CYRIA: variants seen among roughly 807,000 people sequenced by gnomAD.
The protein encoded by CYRIA is CYFIP-related Rac1 interactor A.
Under a neutral mutation model 43.9 loss-of-function variants are expected in CYRIA, and 15 were observed. The observed-to-expected ratio is 0.34, with a 90% CI of 0.23 to 0.53. The LOEUF (loss-of-function observed/expected upper bound fraction) is 0.53. Among genes scored for constraint, CYRIA ranks in the 20% least tolerant of loss-of-function variants. CYRIA has a pLI of 0.94. For synonymous variants in CYRIA, 117 were observed against 136.0 expected, an observed-to-expected ratio of 0.86 and a Z score of 0.97; for missense variants, 236 against 394.2, an observed-to-expected ratio of 0.60 and a Z score of 3.40.
intron 1 of CYRIA, among the ~76,000 whole-genome samples, chr2:16,646,226 T>A (rs1669817116): frequency 6.6e-6 from 1 of 152,222 alleles, no homozygotes; most frequent in African/African-American, 2.4e-5. Context: ...AGAATCAAGA[T>A]GTCTAGAGTT....
intron 11 of CYRIA, among the ~76,000 whole-genome samples, chr2:16,554,644 CAG>C (rs1276274896): frequency 6.6e-6 from 1 of 152,158 alleles, no homozygotes; most frequent in Non-Finnish European, 1.5e-5. Flanking sequence ...CAGAATCACA[CAG>C]AGTGTTTTCA....
At chr2:16,620,810 C>A (rs1381898811) in intron 2 of CYRIA, among the ~76,000 whole-genome samples, 4 of 152,168 alleles carry the variant, frequency 2.6e-5, no homozygotes, top group African/African-American at 9.7e-5. Context: ...TTCCCCGAGG[C>A]ACAGTCCTTG....
intron 1 of CYRIA, among the ~76,000 whole-genome samples, chr2:16,661,690 C>T (rs1670258105): frequency 6.6e-6 from 1 of 152,178 alleles, no homozygotes; most frequent in Non-Finnish European, 1.5e-5. Context: ...CTGTTAAAAT[C>T]TGCCTGCATT....
At chr2:16,614,842 A>G (rs1668726371) in intron 2 of CYRIA, among the ~76,000 whole-genome samples, 1 of 152,190 alleles carries the variant, frequency 6.6e-6, no homozygotes, top group Non-Finnish European at 1.5e-5. Context: ...TGCCTACTGG[A>G]TGCCAAGCTC....
At chr2:16,576,932 A>T (rs1667372637) in intron 3 of CYRIA, among the ~76,000 whole-genome samples, 1 of 152,236 alleles carries the variant, frequency 6.6e-6, no homozygotes, top group Non-Finnish European at 1.5e-5. Flanking sequence ...CACAAACTGC[A>T]TGATTCCACT....
At position 16,612,644 on chromosome 2, in the gene CYRIA, G is replaced by A. The variant is rs530836673; in HGVS notation, c.-11+11220C>T. On this transcript the variant is annotated intron_variant, in intron 2 of 11. Transcript: ENST00000381323. ...TTACTTTCATGATGACAAGCCTGCA[G>A]AACCATCTCTGCTCTGGCCTCTGAA... Among the ~76,000 whole-genome samples, 5 of 152,366 alleles carry A rather than the reference G, an allele frequency of 3.3e-5. No homozygotes were observed. The South Asian group carries it at 1.0e-3, about 32-fold the overall frequency.
chr2:16,606,986 T>C lies in CYRIA; in HGVS notation c.-11+16878A>G, dbSNP rs968043810. 1.2e-4 allele frequency among the ~76,000 whole-genome samples: 18 copies of C among 152,082 alleles called. No individual in the cohort carries two copies. In the South Asian group the frequency reaches 3.7e-3, roughly 32 times the overall value. On this transcript the variant is annotated intron_variant, in intron 2 of 11. Transcript: ENST00000381323. ...ACAAAAAAAAATCCAATAAAAGCCATCACATACAAAAAACCTGAAGAATAT... is the reference window on the plus strand; with the variant it reads ...ACAAAAAAAAATCCAATAAAAGCCACCACATACAAAAAACCTGAAGAATAT...
intron 2 of CYRIA, among the ~76,000 whole-genome samples, chr2:16,608,462 T>C (rs1304365044): frequency 6.6e-6 from 1 of 152,102 alleles, no homozygotes; most frequent in Non-Finnish European, 1.5e-5. Flanking sequence ...ATCGCAAATT[T>C]CAGTTTATAG....
rs568794036 is a variant in CYRIA, at chr2:16,552,868, G to A, written c.*68C>T. ...AATACACAAGTATTAACATCAATCT[G>A]TATTAAATTATGTAAACATATACAT... is the stretch of plus-strand genomic sequence containing the variant. On this transcript the variant is annotated 3_prime_UTR_variant, in exon 12 of 12. Transcript: ENST00000381323. The A allele has an allele frequency of 2.4e-5, 24 of 985,884 alleles. No individual in the cohort carries two copies. The highest frequency in any genetic ancestry group is 3.6e-5 in the Non-Finnish European group (22 of 609,108). 61.1% of individuals were successfully genotyped at this position (985,884 alleles called of 1,614,324 possible).
chr2:16,582,617 G>C (rs1365878209), intron 3 of CYRIA, among the ~76,000 whole-genome samples: 1 of 152,166 alleles, frequency 6.6e-6, no homozygotes, highest in African/African-American at 2.4e-5. Context: ...TCAACAGTGT[G>C]TGGTCTTTGT....
intron 2 of CYRIA, among the ~76,000 whole-genome samples, chr2:16,620,956 C>A (rs1184607672): frequency 6.6e-6 from 1 of 152,192 alleles, no homozygotes. Context: ...CAAGAAGCTT[C>A]CATGGTTCCA....
chr2:16,581,135 A>T (rs560808773), intron 3 of CYRIA, among the ~76,000 whole-genome samples: 4 of 152,302 alleles, frequency 2.6e-5, no homozygotes, highest in African/African-American at 9.6e-5. Context: ...TCCATTCATG[A>T]AAAGATATCA....
chr2:16,650,475 C>T lies in CYRIA; in HGVS notation c.-167+15305G>A, dbSNP rs1199119463. On this transcript the variant is annotated intron_variant, in intron 1 of 11. Transcript: ENST00000381323. This position sits in a 1 kb window ranked among gnomAD's most constrained non-coding sequence, Gnocchi z 4.1. ...GGTTTCATTGGTCTCTGGGCCAGTT[C>T]CTGATATCAGGGATGATGCAACAAC... is the stretch of plus-strand genomic sequence containing the variant. 6.6e-6 allele frequency among the ~76,000 whole-genome samples: 1 copy of T among 152,234 alleles called. No homozygotes were observed. Among genetic ancestry groups the T allele is most frequent in the Non-Finnish European group, 1.5e-5 (1 of 68,048 alleles).
intron 3 of CYRIA, among the ~76,000 whole-genome samples, chr2:16,568,219 C>T (rs1201087728): frequency 4.3e-5 from 3 of 69,170 alleles, no homozygotes; most frequent in African/African-American, 1.9e-4. Flanking sequence ...GCAACTATTT[C>T]AAAATCAGAA....
chr2:16,587,670 GGA>G (rs1252134427), intron 3 of CYRIA, among the ~76,000 whole-genome samples: 1 of 152,062 alleles, frequency 6.6e-6, no homozygotes, highest in African/African-American at 2.4e-5. Flanking sequence ...GGACCAGATG[GGA>G]GGTAACTGAA....
chr2:16,560,785 C>T, intron 9 of CYRIA: 1 of 582,752 alleles, frequency 1.7e-6, no homozygotes, highest in Non-Finnish European at 3.1e-6. Context: ...GGAAGTCAGT[C>T]AACCACTTTG....
At chr2:16,636,783 C>A (rs1558437535) in intron 1 of CYRIA, among the ~76,000 whole-genome samples, 2 of 145,562 alleles carry the variant, frequency 1.4e-5, no homozygotes, top group Non-Finnish European at 2.9e-5. Flanking sequence ...TATCTCTCCC[C>A]CAACCCCTTG....
intron 10 of CYRIA, among the ~76,000 whole-genome samples, chr2:16,555,468 T>C (rs1021804960): frequency 6.6e-6 from 1 of 152,148 alleles, no homozygotes; most frequent in African/African-American, 2.4e-5. Flanking sequence ...CACTCAGTGC[T>C]CAGTTTCCAT....
At chr2:16,629,003 G>A (rs1386637206) in intron 1 of CYRIA, among the ~76,000 whole-genome samples, 1 of 152,144 alleles carries the variant, frequency 6.6e-6, no homozygotes, top group Non-Finnish European at 1.5e-5. Context: ...GGAAGCCCCG[G>A]AACCCTAATA....
Sources: gnomAD v4.1 joint callset for allele counts (sites outside exome capture counted in the v4.1 genomes callset) on GRCh38, gnomAD v4.1.1 for gene constraint, Gnocchi (gnomAD v3.1) non-coding constraint, MANE v1.5 for transcripts, NCBI Gene and HGNC (gene_info 2026-07-23, HGNC 2026-07-21) for gene names.